Variants in KCNIP4 observed in about 807,000 individuals in gnomAD.
KCNIP4 encodes Kv channel-interacting protein 4.
Under a neutral mutation model 34.0 loss-of-function variants are expected in KCNIP4, and 12 were observed. The ratio of observed to expected loss-of-function variants is 0.35; its 90% CI spans 0.23 to 0.57. KCNIP4 has a LOEUF of 0.57. KCNIP4 is among the 20% of genes least tolerant of loss of function. The probability of loss-of-function intolerance (pLI) is 0.83; values close to 1 mark genes in which losing one functional copy is unlikely to be tolerated. For synonymous variants in KCNIP4, 124 were observed against 102.2 expected, an observed-to-expected ratio of 1.21 and a Z score of -1.29; for missense variants, 238 against 311.7, an observed-to-expected ratio of 0.76 and a Z score of 1.78.
chr4:21,328,672 C>A (rs1451178735), intron 1 of KCNIP4, among the ~76,000 whole-genome samples: 2 of 152,244 alleles, frequency 1.3e-5, no homozygotes, highest in African/African-American at 4.8e-5. Flanking sequence ...TTCAGGGCGG[C>A]AAGTTCCACT....
chr4:21,290,243 T>C (rs1763356094), intron 1 of KCNIP4, among the ~76,000 whole-genome samples: 1 of 152,156 alleles, frequency 6.6e-6, no homozygotes, highest in African/African-American at 2.4e-5. Flanking sequence ...AAAAACAAAC[T>C]CATAACTCCT....
At chr4:20,730,198 T>C in intron 8 of KCNIP4, 69 bp from the exon 9 acceptor site, 3 of 1,514,590 alleles carry the variant, frequency 2.0e-6, no homozygotes, top group Non-Finnish European at 1.8e-6. Context: ...ATTTTGCCCC[T>C]GAGTATTGCC....
intron 1 of KCNIP4, among the ~76,000 whole-genome samples, chr4:21,418,216 T>C (rs932271679): frequency 6.6e-5 from 10 of 152,154 alleles, no homozygotes; most frequent in South Asian, 2.1e-4. Context: ...TTCTGGATCA[T>C]GGATCAGACT....
chr4:21,269,426 G>A (rs976337640), intron 1 of KCNIP4, among the ~76,000 whole-genome samples: 3 of 152,046 alleles, frequency 2.0e-5, no homozygotes, highest in Admixed American at 6.5e-5. Context: ...TATTTGGGGG[G>A]ACAGGGTCTC....
chr4:21,938,574 T>A (rs1465994099), intron 1 of KCNIP4, among the ~76,000 whole-genome samples: 1 of 152,174 alleles, frequency 6.6e-6, no homozygotes, highest in African/African-American at 2.4e-5. Context: ...TTGTGTTGTA[T>A]ATACACGATT....
rs180986492 is a variant in KCNIP4, at chr4:21,135,629, C to T, written c.62-252920G>A. ...AAAATAAAGATTAAATCTACATATA[C>T]GTACAATCTATTCTACTGAAAACTT... On this transcript the variant is annotated intron_variant, in intron 1 of 8. Transcript: ENST00000382152. 4.2e-3 allele frequency among the ~76,000 whole-genome samples: 642 copies of T among 152,256 alleles called. 4 individuals carry two copies. The highest frequency in any genetic ancestry group is 7.0e-3 in the Non-Finnish European group (479 of 68,024).
At chr4:21,897,043 C>A (rs2109413553) in intron 1 of KCNIP4, among the ~76,000 whole-genome samples, 1 of 151,300 alleles carries the variant, frequency 6.6e-6, no homozygotes, top group East Asian at 1.9e-4. Context: ...TGGATGTTGC[C>A]CCTCTCTCTT....
intron 1 of KCNIP4, among the ~76,000 whole-genome samples, chr4:21,314,948 C>T (rs185159207): frequency 4.6e-5 from 7 of 152,264 alleles, no homozygotes; most frequent in Admixed American, 3.9e-4. Context: ...TCCTGTTGCT[C>T]TGCTCTGGCT....
chr4:21,602,268 T>A (rs1386680324), intron 1 of KCNIP4, among the ~76,000 whole-genome samples: 2 of 152,198 alleles, frequency 1.3e-5, no homozygotes, highest in Non-Finnish European at 2.9e-5. Context: ...AGCATCAAAC[T>A]GTTTCATAAC....
intron 1 of KCNIP4, among the ~76,000 whole-genome samples, chr4:21,463,278 A>AT (rs967285599): frequency 2.6e-5 from 4 of 151,976 alleles, no homozygotes; most frequent in Non-Finnish European, 2.9e-5. Context: ...GATGTTAAAT[A>AT]TTTTTTTCAT....
At chr4:21,376,242 T>C (rs1363079503) in intron 1 of KCNIP4, among the ~76,000 whole-genome samples, 1 of 152,192 alleles carries the variant, frequency 6.6e-6, no homozygotes, top group Non-Finnish European at 1.5e-5. Context: ...TGAAACCTAA[T>C]ATAATCTTCT....
At chr4:20,859,350 A>G (rs951074454) in intron 2 of KCNIP4, among the ~76,000 whole-genome samples, 4 of 152,242 alleles carry the variant, frequency 2.6e-5, no homozygotes, top group African/African-American at 9.6e-5. Context: ...CAGACATATC[A>G]TCACTCAGGT....
intron 1 of KCNIP4, among the ~76,000 whole-genome samples, chr4:21,364,737 A>G (rs1198849163): frequency 6.6e-6 from 1 of 152,190 alleles, no homozygotes; most frequent in Non-Finnish European, 1.5e-5. Context: ...TTATAAGGAC[A>G]CACAAACCAA....
intron 1 of KCNIP4, among the ~76,000 whole-genome samples, chr4:21,618,824 G>A (rs1023213864): frequency 1.3e-5 from 2 of 151,282 alleles, no homozygotes; most frequent in African/African-American, 2.4e-5. Context: ...TAGTAGAGAC[G>A]GGATTTCACC....
At chr4:21,383,951 T>C (rs1282541566) in intron 1 of KCNIP4, among the ~76,000 whole-genome samples, 1 of 152,124 alleles carries the variant, frequency 6.6e-6, no homozygotes, top group Non-Finnish European at 1.5e-5. Flanking sequence ...CTACCTCTCA[T>C]ACCTACTTTA....
At chr4:21,208,829 A>T (rs1040519190) in intron 1 of KCNIP4, among the ~76,000 whole-genome samples, 4 of 152,190 alleles carry the variant, frequency 2.6e-5, no homozygotes, top group African/African-American at 9.7e-5. Flanking sequence ...GCGTCAGGAA[A>T]CTTACAATCA....
chr4:21,165,807 T>C (rs1753590141), intron 1 of KCNIP4, among the ~76,000 whole-genome samples: 1 of 152,208 alleles, frequency 6.6e-6, no homozygotes, highest in Non-Finnish European at 1.5e-5. Flanking sequence ...CTAAAATTCA[T>C]GTTAAAACTA....
At chr4:21,737,762 T>A (rs556320597) in intron 1 of KCNIP4, among the ~76,000 whole-genome samples, 1 of 152,262 alleles carries the variant, frequency 6.6e-6, no homozygotes, top group East Asian at 1.9e-4. Context: ...GAAAATACTC[T>A]GCGGAACCTA....
intron 1 of KCNIP4, among the ~76,000 whole-genome samples, chr4:21,300,747 GTC>G (rs1357078258): frequency 1.3e-5 from 2 of 152,066 alleles, no homozygotes; most frequent in Admixed American, 6.6e-5. Context: ...GGAAAGATTA[GTC>G]TAACCATTAT....
Sources: gnomAD v4.1 joint callset for allele counts (sites outside exome capture counted in the v4.1 genomes callset) on GRCh38, gnomAD v4.1.1 for gene constraint, MANE v1.5 for transcripts, NCBI Gene and HGNC (gene_info 2026-07-23, HGNC 2026-07-21) for gene names.